The following ITGA1 variants were observed in gnomAD, a reference collection of about 807,000 sequenced individuals.
The protein encoded by ITGA1 is integrin alpha-1.
A neutral mutation model predicts 145.9 loss-of-function variants in ITGA1; 85 were observed. The observed-to-expected ratio is 0.58, with a 90% CI of 0.49 to 0.70. The LOEUF (loss-of-function observed/expected upper bound fraction) is 0.70, where lower values mean the gene tolerates loss of function less well. Ranked by LOEUF, ITGA1 falls within the 30% of genes least tolerant of loss-of-function variation. The pLI is 0.00. For synonymous variants in ITGA1, 520 were observed against 495.3 expected (o/e 1.05, Z -0.66); for missense variants, 1,351 against 1,418.7 (o/e 0.95, Z 0.77).
At chr5:52,925,956 AG>A (rs1355198049) in intron 19 of ITGA1, among the ~76,000 whole-genome samples, 1 of 152,160 alleles carries the variant, frequency 6.6e-6, no homozygotes, top group Non-Finnish European at 1.5e-5. Flanking sequence ...TTTGTAACAG[AG>A]GTTTCTTTTA....
At chr5:52,848,832 G>T (rs1357307557) in intron 1 of ITGA1, among the ~76,000 whole-genome samples, 1 of 151,544 alleles carries the variant, frequency 6.6e-6, no homozygotes, top group Non-Finnish European at 1.5e-5. Flanking sequence ...GCGGTGTTTG[G>T]TTTTTTGTCC....
chr5:52,911,260 A>C (rs1579714171), intron 14 of ITGA1, among the ~76,000 whole-genome samples: 1 of 136,366 alleles, frequency 7.3e-6, no homozygotes, highest in Non-Finnish European at 1.5e-5. Context: ...TACAGTGTAT[A>C]TATAGTATAT....
rs372660190 is a variant in ITGA1, at chr5:52,947,363, A to G, written c.3397A>G (p.Lys1133Glu). 92 of 1,611,854 alleles carry G rather than the reference A, an allele frequency of 5.7e-5. No homozygotes were observed. The African/African-American group carries it at 1.2e-3, about 21-fold the overall frequency. Residue 1133 changes from lysine (K) to glutamate (E), a missense_variant, in exon 28 of 29, where the codon AAA becomes GAA. Transcript: ENST00000282588. ...QKRELAIQIS[K>E]DGLPGRVPLW... Reference sequence around the variant, plus strand: ...TTTTCAGCTTGCTATTCAAATATCCAAAGATGGGCTACCGGGCAGAGTGCC... The same window carrying G: ...TTTTCAGCTTGCTATTCAAATATCCGAAGATGGGCTACCGGGCAGAGTGCC...
intron 8 of ITGA1, among the ~76,000 whole-genome samples, chr5:52,890,678 G>T (rs1750132679): frequency 6.6e-6 from 1 of 152,128 alleles, no homozygotes; most frequent in Non-Finnish European, 1.5e-5. Context: ...GATCAAATCT[G>T]GGCAATTGGA....
chr5:52,850,183 G>C (rs1055065211), intron 2 of ITGA1, among the ~76,000 whole-genome samples: 4 of 151,766 alleles, frequency 2.6e-5, no homozygotes, highest in African/African-American at 7.3e-5. Context: ...TGTATTTCTA[G>C]TAGAGACACG....
chr5:52,925,551 C>G, intron 19 of ITGA1, 64 bp downstream of exon 19: 1 of 1,201,578 alleles, frequency 8.3e-7, no homozygotes, highest in Non-Finnish European at 1.2e-6. Context: ...ACTTTTCATG[C>G]TACTGAGATA....
chr5:52,936,671 G>A (rs1411243660), intron 23 of ITGA1, among the ~76,000 whole-genome samples: 1 of 152,180 alleles, frequency 6.6e-6, no homozygotes, highest in Non-Finnish European at 1.5e-5. Flanking sequence ...TGGATAGTGA[G>A]TTCAGTTTCC....
At position 52,829,307 on chromosome 5, in the gene ITGA1, C is replaced by T. The variant is rs548321854; in HGVS notation, c.62-20058C>T. 7.2e-5 allele frequency among the ~76,000 whole-genome samples: 11 copies of T among 152,234 alleles called. No homozygotes were observed. The East Asian group carries it at 1.4e-3, about 19-fold the overall frequency. ...TTGGGAGGCCGAGGTGGGTAGATCA[C>T]TTTAGGCCAGGAGTTCAAGATGAGT... is the stretch of plus-strand genomic sequence containing the variant. On this transcript the variant is annotated intron_variant, in intron 1 of 28. Transcript: ENST00000282588.
In ITGA1 at chr5:52,849,599, G is replaced by A. The variant is rs1276327561; in HGVS notation, c.182+114G>A. On this transcript the variant is annotated intron_variant, in intron 2 of 28. Coordinates refer to ENST00000282588, the MANE Select transcript of ITGA1 (RefSeq NM_181501.2). ...ACTTTAACAGAATGAATTATTTATGGTAGAAAATGCAGTCTAGTCATTTGG... is the reference window on the plus strand; with the variant it reads ...ACTTTAACAGAATGAATTATTTATGATAGAAAATGCAGTCTAGTCATTTGG... The A allele has an allele frequency of 3.0e-6, 3 of 994,548 alleles. No homozygotes were observed. In the South Asian group the frequency reaches 7.8e-5, roughly 26 times the overall value. The allele number at this position is 994,548 out of a possible 1,614,324, so 61.6% of individuals were successfully genotyped here.
intron 1 of ITGA1, among the ~76,000 whole-genome samples, chr5:52,846,125 G>C (rs1214501929): frequency 6.6e-6 from 1 of 152,148 alleles, no homozygotes. Flanking sequence ...TGGCGGCCGG[G>C]CGCAGTGACT....
At chr5:52,853,124 A>T (rs1338015283) in intron 2 of ITGA1, among the ~76,000 whole-genome samples, 1 of 152,212 alleles carries the variant, frequency 6.6e-6, no homozygotes, top group Admixed American at 6.5e-5. Context: ...GACATTTATT[A>T]TTTACAATGA....
chr5:52,872,978 G>A (rs895444886), intron 6 of ITGA1, among the ~76,000 whole-genome samples: 2 of 152,072 alleles, frequency 1.3e-5, no homozygotes, highest in African/African-American at 4.8e-5. Flanking sequence ...GTCTCTTCTA[G>A]TAGACTGAAT....
intron 21 of ITGA1, 114 bp from the exon 22 acceptor site, chr5:52,931,933 C>T (rs1750898422): frequency 1.7e-6 from 1 of 598,638 alleles, no homozygotes; most frequent in Non-Finnish European, 2.9e-6. Flanking sequence ...AAAAATTATA[C>T]TCTTACATGC....
intron 1 of ITGA1, among the ~76,000 whole-genome samples, chr5:52,791,269 G>A (rs963903394): frequency 1.3e-5 from 2 of 152,154 alleles, no homozygotes; most frequent in African/African-American, 4.8e-5. Context: ...AGAGGGTGGA[G>A]CATCTAGCGC....
chr5:52,835,674 A>G (rs1481872475), intron 1 of ITGA1, among the ~76,000 whole-genome samples: 1 of 152,170 alleles, frequency 6.6e-6, no homozygotes. Flanking sequence ...ATATATTTTG[A>G]TACAAGAAAC....
At chr5:52,828,022 T>G (rs1158203678) in intron 1 of ITGA1, among the ~76,000 whole-genome samples, 1 of 152,212 alleles carries the variant, frequency 6.6e-6, no homozygotes, top group Non-Finnish European at 1.5e-5. Flanking sequence ...TGTATGGATA[T>G]ACCACATTTC....
intron 1 of ITGA1, among the ~76,000 whole-genome samples, chr5:52,847,028 G>C (rs1158831345): frequency 6.6e-6 from 1 of 151,724 alleles, no homozygotes; most frequent in Non-Finnish European, 1.5e-5. Context: ...TTTTGATAAA[G>C]GATTAAAAAA....
At chr5:52,889,306 T>C (rs111455455) in intron 8 of ITGA1, among the ~76,000 whole-genome samples, 188 of 152,280 alleles carry the variant, frequency 1.2e-3, no homozygotes, top group African/African-American at 4.2e-3. Flanking sequence ...TTCACCATGT[T>C]GGTCGGGCCG....
At chr5:52,929,064 G>A (rs971087593) in intron 20 of ITGA1, among the ~76,000 whole-genome samples, 24 of 152,140 alleles carry the variant, frequency 1.6e-4, no homozygotes, top group African/African-American at 5.6e-4. Context: ...ATGTTTCTTA[G>A]TCTATTCTGG....
Sources: allele counts gnomAD v4.1 joint callset (sites outside exome capture counted in the v4.1 genomes callset), GRCh38; gene constraint gnomAD v4.1.1; transcripts MANE v1.5; gene names NCBI Gene and HGNC (gene_info 2026-07-23, HGNC 2026-07-21).